The following PIH1D1 variants were observed in gnomAD, a reference collection of about 807,000 sequenced individuals.
PIH1D1 encodes PIH1 domain containing 1, also known as PIH1 domain-containing protein 1.
PIH1D1 carries 28 observed loss-of-function variants against 38.5 expected under a neutral mutation model. That is an observed-to-expected ratio of 0.73 (90% confidence interval 0.54 to 1.00). The LOEUF (loss-of-function observed/expected upper bound fraction) is 1.00, where lower values mean the gene tolerates loss of function less well. PIH1D1 is among the 50% of genes least tolerant of loss of function. The pLI is 0.00. For missense variants in PIH1D1, 343 were observed against 369.9 expected (o/e 0.93, Z 0.60); for synonymous variants, 155 against 153.5 (o/e 1.01, Z -0.07).
chr19:49,447,494 T>C (rs2079031558), intron 5 of PIH1D1, 27 bp from the exon 6 acceptor site: 2 of 1,603,474 alleles, frequency 1.2e-6, no homozygotes, highest in African/African-American at 2.7e-5. Flanking sequence ...CCGTCAAACA[T>C]CGTACAGGTC....
intron 5 of PIH1D1, 174 bp downstream of exon 5, chr19:49,447,652 AC>A: frequency 1.1e-6 from 1 of 922,138 alleles, no homozygotes; most frequent in Non-Finnish European, 1.7e-6. Flanking sequence ...CCCCAATAAA[AC>A]CCACCCCTGG....
chr19:49,450,007 CTGA>C (rs1280968810), intron 2 of PIH1D1, among the ~76,000 whole-genome samples: 4 of 152,104 alleles, frequency 2.6e-5, no homozygotes, highest in African/African-American at 9.7e-5. Context: ...GTTGGCCAGG[CTGA>C]TCTCAAACTC....
chr19:49,450,986 T>C, intron 1 of PIH1D1, 138 bp from the exon 2 acceptor site: 1 of 1,530,802 alleles, frequency 6.5e-7, no homozygotes, highest in Non-Finnish European at 8.8e-7. Context: ...CCTTTCTCCT[T>C]TGAGAACTAG....
intron 2 of PIH1D1, 140 bp from the exon 3 acceptor site, chr19:49,449,794 C>CTTTTTT (rs61447252): frequency 1.1e-4 from 55 of 503,514 alleles, no homozygotes; most frequent in African/African-American, 1.0e-3. Context: ...CCTCACTTCT[C>CTTTTTT]TTTTTTTTTT....
Position 49,447,928 on chromosome 19 carries a change from A to G in PIH1D1, c.400-20T>C. 1 of 1,613,980 alleles carries G rather than the reference A, an allele frequency of 6.2e-7. No homozygotes were observed. Among genetic ancestry groups the G allele is most frequent in the Non-Finnish European group, 8.5e-7 (1 of 1,179,934 alleles). On this transcript the variant is annotated intron_variant, in intron 4 of 8. Transcript: ENST00000262265. ...GCTGTTCTGGGGTGACAGAGAGGGA[A>G]AAGACAGGCGGTGGCGGGGAGGGTA...
rs2079022767 is a variant in PIH1D1 at position 49,446,434 on chromosome 19, A to C, written c.832-11T>G. 3 of 1,087,830 alleles carry C rather than the reference A, an allele frequency of 2.8e-6. No homozygotes were observed. Among genetic ancestry groups the C allele is most frequent in the Non-Finnish European group, 4.3e-6 (3 of 698,846 alleles). The allele number at this position is 1,087,830 out of a possible 1,614,324, so 67.4% of individuals were successfully genotyped here. A position where few individuals can be genotyped will look rare whatever the true frequency, so the allele number is the denominator to read the frequency against. On this transcript the variant is annotated splice_polypyrimidine_tract_variant and intron_variant, in intron 8 of 8. Transcript: ENST00000262265. ...GGCCACCATTAATTGCTGAGGAGAC[A>C]GAGCAAAGAGAATGAGGATCCAGGA...
At chr19:49,449,158 A>G in intron 3 of PIH1D1, 1 of 446,440 alleles carries the variant, frequency 2.2e-6, no homozygotes, top group Non-Finnish European at 4.2e-6. Flanking sequence ...AAAAAAAAAG[A>G]AAGAAAGAAA....
At chr19:49,449,364 G>A (rs1028238913) in intron 3 of PIH1D1, 111 bp downstream of exon 3, 3 of 971,972 alleles carry the variant, frequency 3.1e-6, no homozygotes, top group Non-Finnish European at 4.9e-6. Flanking sequence ...TCAGATCGAG[G>A]GGCCAGATCT....
chr19:49,447,608 C>A, intron 5 of PIH1D1, 141 bp from the exon 6 acceptor site: 1 of 1,078,094 alleles, frequency 9.3e-7, no homozygotes, highest in Non-Finnish European at 1.3e-6. Context: ...TCCAGGAAGC[C>A]CGCCCACCTT....
In PIH1D1 at chr19:49,447,393, G is replaced by A. The variant is rs199907330; in HGVS notation, c.556C>T (p.Arg186Trp). 2.5e-6 allele frequency: 4 copies of A among 1,613,574 alleles called. No homozygotes were observed. Among genetic ancestry groups the A allele is most frequent in the Middle Eastern group, 1.6e-4 (1 of 6,062 alleles). ...QQNIRSEQRP[R>W]IQELGDLYTP... ...TACAGGTCCCCCAGCTCCTGGATCC[G>A]AGGACGCTGCTCCGAGCGGATGTTC... The change falls in exon 6 of 9, where the codon CGG (arginine) becomes TGG (tryptophan). Residue 186 changes from arginine to tryptophan, a missense_variant. By Grantham distance (101) the Arg-to-Trp change is moderately radical. Transcript: ENST00000262265.
chr19:49,451,807 C>T lies in PIH1D1; in HGVS notation c.-233G>A. 7.8e-7 allele frequency: 1 copy of T among 1,286,548 alleles called. No individual in the cohort carries two copies. The highest frequency in any genetic ancestry group is 1.0e-6 in the Non-Finnish European group (1 of 986,744). The allele number at this position is 1,286,548 out of a possible 1,614,324, so 79.7% of individuals were successfully genotyped here. A position where few individuals can be genotyped will look rare whatever the true frequency, so the allele number is the denominator to read the frequency against. On this transcript the variant is annotated 5_prime_UTR_variant, in exon 1 of 9. Transcript: ENST00000262265. Reference sequence around the variant, plus strand: ...ACTACCCTCCGTCCTACGTGCCGAACTGTAAACGAAGCCACACTTCCGGTC... The same window carrying T: ...ACTACCCTCCGTCCTACGTGCCGAATTGTAAACGAAGCCACACTTCCGGTC...
At position 49,451,326 on chromosome 19, in the gene PIH1D1, G is replaced by GC. The variant is rs370911909; in HGVS notation, c.90+158dup. The GC allele has an allele frequency of 1.6e-3, 1,692 of 1,042,586 alleles. 15 individuals carry two copies. The African/African-American group carries it at 0.023, about 14-fold the overall frequency. 64.6% of individuals were successfully genotyped at this position (1,042,586 alleles called of 1,614,324 possible). A position where few individuals can be genotyped will look rare whatever the true frequency, so the allele number is the denominator to read the frequency against. On this transcript the variant is annotated intron_variant, in intron 1 of 8. Coordinates refer to ENST00000262265, the MANE Select transcript of PIH1D1 (RefSeq NM_017916.3). Reference sequence around the variant, plus strand: ...TTACAGGTGTGAGCCACCGCGCCCGGCCCCCCACTCCCATTTCTTAGCAAA... The same window carrying GC: ...TTACAGGTGTGAGCCACCGCGCCCGGCCCCCCCACTCCCATTTCTTAGCAAA...
rs1263240468 is a variant in PIH1D1, at chr19:49,449,586, G to A, written c.226C>T (p.Pro76Ser). The A allele has an allele frequency of 1.9e-6, 3 of 1,614,036 alleles. No homozygotes were observed. Among genetic ancestry groups the A allele is most frequent in the African/African-American group, 1.3e-5 (1 of 74,904 alleles). Residue 76 changes from proline to serine, a missense_variant, in exon 3 of 9, where the codon CCT (proline) becomes TCT (serine). By Grantham distance (74) the Pro-to-Ser change is moderately conservative. Coordinates refer to ENST00000262265, the MANE Select transcript of PIH1D1 (RefSeq NM_017916.3). ...TCCTCGGTCACGTCGGCGGGAGGAG[G>A]GATAGAGGGGGAGTGGCAGATGTTG... is the stretch of plus-strand genomic sequence containing the variant. Reference protein sequence around the residue: ...FINICHSPSIPPPADVTEEEL... With the variant: ...FINICHSPSISPPADVTEEEL...
intron 3 of PIH1D1, 119 bp from the exon 4 acceptor site, chr19:49,448,181 AG>A (rs1413121811): frequency 1.0e-6 from 1 of 1,000,370 alleles, no homozygotes; most frequent in Non-Finnish European, 1.5e-6. Context: ...GAGAGACATA[AG>A]GAAGTGAGAG....
chr19:49,449,389 A>AG (rs2079044167), intron 3 of PIH1D1, 86 bp downstream of exon 3: 1 of 1,216,580 alleles, frequency 8.2e-7, no homozygotes. Context: ...GAGCTGAGGG[A>AG]GGAGGGTCCT....
rs528572369 is a variant in PIH1D1, at chr19:49,451,200, T to C, written c.90+285A>G. Among the ~76,000 whole-genome samples, 8 of 151,796 alleles carry C rather than the reference T, an allele frequency of 5.3e-5. No homozygotes were observed. In the South Asian group the frequency reaches 1.7e-3, roughly 32 times the overall value. On this transcript the variant is annotated intron_variant, in intron 1 of 8. Coordinates refer to ENST00000262265, the MANE Select transcript of PIH1D1 (RefSeq NM_017916.3). ...GCCCGCCACCACGCCCGGCTAATTT[T>C]TTGTATTTTTAGTAGAGACGGGGTT...
intron 1 of PIH1D1, 64 bp from the exon 2 acceptor site, chr19:49,450,912 C>G: frequency 6.2e-7 from 1 of 1,609,412 alleles, no homozygotes; most frequent in Non-Finnish European, 8.5e-7. Context: ...ATTTGTTCCT[C>G]AAATGGAGCA....
intron 5 of PIH1D1, 56 bp from the exon 6 acceptor site, chr19:49,447,523 G>T: frequency 6.3e-7 from 1 of 1,589,834 alleles, no homozygotes; most frequent in Non-Finnish European, 8.5e-7. Flanking sequence ...CTTTGTGGGG[G>T]CCAAGAGCCT....
Position 49,449,627 on chromosome 19 carries a change from T to G in PIH1D1, c.185A>C (p.Glu62Ala). The G allele has an allele frequency of 6.2e-7, 1 of 1,614,052 alleles. No individual in the cohort carries two copies. ...PGFCIKTNSS[E>A]GKVFINICHS... ...GCAGATGTTGATGAAAACCTTCCCTTCCGAGGAGTTGGTCTTTATGCAGAA... is the reference window on the plus strand; with the variant it reads ...GCAGATGTTGATGAAAACCTTCCCTGCCGAGGAGTTGGTCTTTATGCAGAA... The change falls in exon 3 of 9, where the codon GAA (glutamate) becomes GCA (alanine). Residue 62 changes from glutamate to alanine, a missense_variant. Transcript: ENST00000262265.
Sources: gnomAD v4.1 joint callset for allele counts (sites outside exome capture counted in the v4.1 genomes callset) on GRCh38, gnomAD v4.1.1 for gene constraint, MANE v1.5 for transcripts, NCBI Gene and HGNC (gene_info 2026-07-23, HGNC 2026-07-21) for gene names.